B4GALT6: variants seen among roughly 807,000 people sequenced by gnomAD.
B4GALT6 encodes the protein beta-1,4-galactosyltransferase 6.
A neutral mutation model predicts 46.3 loss-of-function variants in B4GALT6; 14 were observed. That is an observed-to-expected ratio of 0.30 (90% confidence interval 0.20 to 0.47). The LOEUF (loss-of-function observed/expected upper bound fraction) is 0.47. Among genes scored for constraint, B4GALT6 ranks in the 20% least tolerant of loss-of-function variants. The pLI is 0.99. For missense variants in B4GALT6, 386 were observed against 480.1 expected (o/e 0.80, Z 1.83); for synonymous variants, 168 against 162.0 (o/e 1.04, Z -0.28).
At chr18:31,667,393 T>C (rs2074294860) in intron 1 of B4GALT6, among the ~76,000 whole-genome samples, 1 of 152,218 alleles carries the variant, frequency 6.6e-6, no homozygotes, top group Non-Finnish European at 1.5e-5. Context: ...ATAAGCTGTC[T>C]CTGAATACAG....
At chr18:31,671,060 C>G (rs1041781169) in intron 1 of B4GALT6, among the ~76,000 whole-genome samples, 3 of 152,120 alleles carry the variant, frequency 2.0e-5, no homozygotes, top group Admixed American at 2.0e-4. Flanking sequence ...CATCCATGTC[C>G]CTGCAAAGGA....
Position 31,626,354 on chromosome 18 carries a change from T to G in B4GALT6, c.930A>C (p.Arg310Ser). ...TGTATTTTCCTAAGTCTCCCTCTGG[T>G]CTGGTTACATTATATCCAGCATAGT... ...RVHYAGYNVT[R>S]PEGDLGKYKS... The change falls in exon 8 of 9, where the codon AGA becomes AGC. Residue 310 changes from arginine (R) to serine (S), a missense_variant. Arg to Ser is a moderately radical substitution (Grantham distance 110). Transcript: ENST00000306851. 1 of 1,605,996 alleles carries G rather than the reference T, an allele frequency of 6.2e-7. No homozygotes were observed. The highest frequency in any genetic ancestry group is 8.5e-7 in the Non-Finnish European group (1 of 1,173,966).
At chr18:31,634,496 C>T (rs1483024305) in intron 5 of B4GALT6, among the ~76,000 whole-genome samples, 2 of 152,218 alleles carry the variant, frequency 1.3e-5, no homozygotes, top group South Asian at 2.1e-4. Flanking sequence ...TGGGTTTGCA[C>T]ATCCTCTGTT....
chr18:31,688,258 T>TATACATATATATATATATAC (rs1555643341), upstream of B4GALT6, among the ~76,000 whole-genome samples: 2 of 148,598 alleles, frequency 1.3e-5, no homozygotes, highest in Non-Finnish European at 3.0e-5. Flanking sequence ...TATATATATA[T>TATACATATATATATATATAC]ACATATATAT....
At chr18:31,667,259 C>A (rs1207695708) in intron 1 of B4GALT6, among the ~76,000 whole-genome samples, 3 of 152,136 alleles carry the variant, frequency 2.0e-5, no homozygotes, top group Admixed American at 6.5e-5. Flanking sequence ...GTAGTGCATT[C>A]TTCTTTAAAG....
intron 4 of B4GALT6, among the ~76,000 whole-genome samples, chr18:31,644,300 TAC>T (rs2073964708): frequency 6.6e-6 from 1 of 152,216 alleles, no homozygotes; most frequent in East Asian, 1.9e-4. Context: ...GTGCTTACCT[TAC>T]ACAAGACAAT....
intron 2 of B4GALT6, among the ~76,000 whole-genome samples, chr18:31,660,684 C>T (rs868149622): frequency 3.0e-4 from 45 of 151,166 alleles, no homozygotes; most frequent in Middle Eastern, 3.4e-3. Flanking sequence ...AATTGAAAAA[C>T]GAGAGAGAAA....
chr18:31,684,820 G>A (rs1333572142), upstream of B4GALT6: 28 of 993,574 alleles, frequency 2.8e-5, no homozygotes, highest in Non-Finnish European at 3.4e-5. Flanking sequence ...GCGCCCCTGC[G>A]GAGAGGGGCA....
the B4GALT6 span, among the ~76,000 whole-genome samples, chr18:31,701,345 A>G: frequency 2.6e-5 from 4 of 152,096 alleles, no homozygotes; most frequent in African/African-American, 7.2e-5. Flanking sequence ...TGCACCTTCC[A>G]TCATGGTTGT....
chr18:31,723,371 T>C, the B4GALT6 span, among the ~76,000 whole-genome samples: 1 of 152,164 alleles, frequency 6.6e-6, no homozygotes, highest in African/African-American at 2.4e-5. Flanking sequence ...GTCAGCTGGG[T>C]TCTAGTTATA....
the B4GALT6 span, among the ~76,000 whole-genome samples, chr18:31,713,291 G>A: frequency 6.6e-6 from 1 of 152,198 alleles, no homozygotes; most frequent in African/African-American, 2.4e-5. Context: ...AGTAGAGGCT[G>A]CAGTGAGCCA....
At chr18:31,678,487 G>C (rs549335710) in intron 1 of B4GALT6, among the ~76,000 whole-genome samples, 1 of 152,144 alleles carries the variant, frequency 6.6e-6, no homozygotes. Flanking sequence ...ATCTTCCATT[G>C]TCCAGGGCAA....
chr18:31,651,537 C>T (rs2074067480), intron 3 of B4GALT6, among the ~76,000 whole-genome samples: 1 of 152,064 alleles, frequency 6.6e-6, no homozygotes, highest in Non-Finnish European at 1.5e-5. Flanking sequence ...CTGGCCATCC[C>T]CTCAGGGACA....
At chr18:31,655,941 T>C (rs2074132853) in intron 3 of B4GALT6, among the ~76,000 whole-genome samples, 1 of 152,086 alleles carries the variant, frequency 6.6e-6, no homozygotes. Context: ...CCCACTACTC[T>C]AGATCAGTGG....
At chr18:31,715,133 C>G in the B4GALT6 span, among the ~76,000 whole-genome samples, 3 of 152,132 alleles carry the variant, frequency 2.0e-5, no homozygotes, top group Admixed American at 6.5e-5. Context: ...GTTTAGGAAG[C>G]CTGATCATAT....
chr18:31,695,097 A>T, the B4GALT6 span, among the ~76,000 whole-genome samples: 1 of 152,288 alleles, frequency 6.6e-6, no homozygotes, highest in East Asian at 1.9e-4. Context: ...ACAAATCATT[A>T]AAATAAAGCA....
upstream of B4GALT6, chr18:31,685,567 C>G (rs2074538493): frequency 6.6e-6 from 1 of 152,154 alleles, no homozygotes; most frequent in Non-Finnish European, 1.5e-5. Flanking sequence ...GCCCAGCAGC[C>G]CCCTCCCCGC....
intron 1 of B4GALT6, among the ~76,000 whole-genome samples, chr18:31,673,591 A>G (rs2074382103): frequency 6.6e-6 from 1 of 152,216 alleles, no homozygotes; most frequent in African/African-American, 2.4e-5. Context: ...GTTTCTGAAG[A>G]GCAGAAGATG....
At chr18:31,667,731 A>G (rs1001380646) in intron 1 of B4GALT6, among the ~76,000 whole-genome samples, 3 of 152,240 alleles carry the variant, frequency 2.0e-5, no homozygotes, top group Non-Finnish European at 2.9e-5. Flanking sequence ...AAGTAGTCTT[A>G]TAATTAGATT....
Sources: allele counts gnomAD v4.1 joint callset (sites outside exome capture counted in the v4.1 genomes callset), GRCh38; gene constraint gnomAD v4.1.1; transcripts MANE v1.5; gene names NCBI Gene and HGNC (gene_info 2026-07-23, HGNC 2026-07-21).